Variants in TEAD1 observed in about 807,000 individuals in gnomAD.
The protein encoded by TEAD1 is transcriptional enhancer factor TEF-1.
A neutral mutation model predicts 54.9 loss-of-function variants in TEAD1; 9 were observed. The observed-to-expected ratio is 0.16, with a 90% CI of 0.10 to 0.29. The LOEUF is 0.29. Among genes scored for constraint, TEAD1 ranks in the 10% least tolerant of loss-of-function variants. TEAD1 has a pLI of 1.00. For missense variants in TEAD1, 387 were observed against 535.9 expected, an observed-to-expected ratio of 0.72 and a Z score of 2.74; for synonymous variants, 200 against 187.8, an observed-to-expected ratio of 1.07 and a Z score of -0.53.
At chr11:12,806,603 C>T (rs1028205006) in intron 3 of TEAD1, among the ~76,000 whole-genome samples, 9 of 152,150 alleles carry the variant, frequency 5.9e-5, no homozygotes, top group African/African-American at 1.9e-4. Context: ...GCCCTCTGGC[C>T]GAGGTCTAAG....
chr11:12,791,724 T>G lies in TEAD1; in HGVS notation c.202+27290T>G, dbSNP rs1043426831. The stretch of plus-strand genomic sequence containing the variant: ...CAGTTCTCTAATATTTTCTTGCATT[T>G]GAGTTATAAGCTGTTCCTATAAGTA... On this transcript the variant is annotated intron_variant, in intron 3 of 12. Coordinates refer to ENST00000527636, the MANE Select transcript of TEAD1 (RefSeq NM_021961.6). 2.0e-5 allele frequency among the ~76,000 whole-genome samples: 3 copies of G among 152,184 alleles called. No individual in the cohort carries two copies. The East Asian group carries it at 5.8e-4, about 29-fold the overall frequency.
intron 10 of TEAD1, chr11:12,921,411 C>G (rs1948802781): frequency 6.6e-6 from 1 of 151,902 alleles, no homozygotes; most frequent in Non-Finnish European, 1.5e-5. Flanking sequence ...ATGGTGGCGC[C>G]TGCCTGTAAT....
At chr11:12,889,712 A>ATTTATT (rs1319621885) in intron 9 of TEAD1, among the ~76,000 whole-genome samples, 1 of 152,090 alleles carries the variant, frequency 6.6e-6, no homozygotes, top group Admixed American at 6.5e-5. Context: ...TATGAAACTC[A>ATTTATT]TTTATTTTTA....
At chr11:12,811,655 C>G (rs1946302331) in intron 3 of TEAD1, among the ~76,000 whole-genome samples, 1 of 152,076 alleles carries the variant, frequency 6.6e-6, no homozygotes, top group Non-Finnish European at 1.5e-5. Context: ...GGCAAGGCAG[C>G]TTGAGGTGGG....
intron 11 of TEAD1, among the ~76,000 whole-genome samples, chr11:12,929,253 G>A (rs1459660529): frequency 6.6e-6 from 1 of 150,484 alleles, no homozygotes; most frequent in Non-Finnish European, 1.5e-5. Context: ...AATTTGTACT[G>A]TAATTGTGGT....
At chr11:12,789,965 C>A (rs1945762885) in intron 3 of TEAD1, among the ~76,000 whole-genome samples, 1 of 152,244 alleles carries the variant, frequency 6.6e-6, no homozygotes, top group African/African-American at 2.4e-5. Flanking sequence ...CTGCTTGAGT[C>A]CTTGCTCTGC....
chr11:12,679,397 T>G (rs1943168154), intron 2 of TEAD1, among the ~76,000 whole-genome samples: 1 of 152,224 alleles, frequency 6.6e-6, no homozygotes, highest in African/African-American at 2.4e-5. Flanking sequence ...AAAGCTGGCT[T>G]ATTGATGAAC....
chr11:12,764,490 A>G, intron 3 of TEAD1, 56 bp downstream of exon 3: 1 of 1,592,178 alleles, frequency 6.3e-7, no homozygotes, highest in Admixed American at 1.7e-5. Flanking sequence ...GTGGTAGGGG[A>G]TAGATTGTAG....
intron 3 of TEAD1, among the ~76,000 whole-genome samples, chr11:12,834,018 A>G (rs921718431): frequency 2.0e-5 from 3 of 152,186 alleles, no homozygotes; most frequent in Non-Finnish European, 4.4e-5. Flanking sequence ...TTGAGTTGCA[A>G]TTGTTGCATT....
chr11:12,883,266 T>C lies in TEAD1; in HGVS notation c.699+141T>C. ...GTGTGAAAACGGGCCTAGGAAAGAA[T>C]AGCCTTTTGATTAAGTAAAAAGGGA... On this transcript the variant is annotated intron_variant, in intron 9 of 12. Transcript: ENST00000527636. 4.4e-6 allele frequency: 6 copies of C among 1,363,142 alleles called. No individual in the cohort carries two copies. In the South Asian group the frequency reaches 5.9e-5, roughly 13 times the overall value. The allele number at this position is 1,363,142 out of a possible 1,614,324, so 84.4% of individuals were successfully genotyped here.
chr11:12,930,053 GTA>G, intron 11 of TEAD1, 119 bp from the exon 12 acceptor site: 1 of 1,066,678 alleles, frequency 9.4e-7, no homozygotes. Context: ...TACGTAAGTA[GTA>G]TAGCATATAG....
At chr11:12,808,694 A>G (rs917124354) in intron 3 of TEAD1, among the ~76,000 whole-genome samples, 6 of 152,084 alleles carry the variant, frequency 3.9e-5, no homozygotes, top group African/African-American at 9.7e-5. Flanking sequence ...AAAAGCAACC[A>G]CTGTGATTCA....
chr11:12,928,880 C>G (rs1948954625), intron 11 of TEAD1, among the ~76,000 whole-genome samples: 1 of 152,166 alleles, frequency 6.6e-6, no homozygotes, highest in South Asian at 2.1e-4. Flanking sequence ...GGTGAGAACA[C>G]TTAAATATTC....
intron 2 of TEAD1, among the ~76,000 whole-genome samples, chr11:12,762,604 ACAAT>A (rs1945123641): frequency 6.6e-6 from 1 of 152,184 alleles, no homozygotes; most frequent in African/African-American, 2.4e-5. Flanking sequence ...TTAAAGGCAG[ACAAT>A]CAGAGGGTTT....
At chr11:12,847,954 G>A (rs1947190438) in intron 3 of TEAD1, among the ~76,000 whole-genome samples, 1 of 152,146 alleles carries the variant, frequency 6.6e-6, no homozygotes, top group South Asian at 2.1e-4. Flanking sequence ...TGCTTTCTCT[G>A]TCGTGACTAG....
chr11:12,786,164 G>C (rs1302420937), intron 3 of TEAD1, among the ~76,000 whole-genome samples: 1 of 152,190 alleles, frequency 6.6e-6, no homozygotes, highest in Non-Finnish European at 1.5e-5. Context: ...GCTGGGCTTT[G>C]CTGAGACCAA....
At chr11:12,807,729 C>T (rs114968667) in intron 3 of TEAD1, among the ~76,000 whole-genome samples, 1,595 of 152,298 alleles carry the variant, frequency 0.01, 33 homozygotes, top group African/African-American at 0.036. Flanking sequence ...CTCCAGAGGG[C>T]TGCACGGAAA....
intron 3 of TEAD1, among the ~76,000 whole-genome samples, chr11:12,768,259 G>C (rs1945247137): frequency 6.6e-6 from 1 of 152,154 alleles, no homozygotes. Context: ...TTCCTCAACT[G>C]AAAAGGAGGA....
At chr11:12,757,181 C>T (rs1945000071) in intron 2 of TEAD1, among the ~76,000 whole-genome samples, 1 of 152,150 alleles carries the variant, frequency 6.6e-6, no homozygotes, top group Non-Finnish European at 1.5e-5. Context: ...CGTCCCGTTG[C>T]CACTGTCTGT....
Sources: allele counts gnomAD v4.1 joint callset (sites outside exome capture counted in the v4.1 genomes callset), GRCh38; gene constraint gnomAD v4.1.1; transcripts MANE v1.5; gene names NCBI Gene and HGNC (gene_info 2026-07-23, HGNC 2026-07-21).